SGF29: variants seen among roughly 807,000 people sequenced by gnomAD.
SGF29 encodes SAGA complex associated factor 29, also known as SAGA-associated factor 29.
A neutral mutation model predicts 38.1 loss-of-function variants in SGF29; 15 were observed. The observed-to-expected ratio is 0.39, with a 90% CI of 0.26 to 0.61. SGF29 has a LOEUF of 0.61. SGF29 is among the 20% of genes least tolerant of loss of function. SGF29 has a pLI of 0.49. For missense variants in SGF29, 184 were observed against 394.6 expected, an observed-to-expected ratio of 0.47 and a Z score of 4.52; for synonymous variants, 151 against 160.8, an observed-to-expected ratio of 0.94 and a Z score of 0.46.
At chr16:28,584,805 AAAG>A (rs2046946673) in intron 2 of SGF29, 105 bp from the exon 3 acceptor site, 11 of 688,436 alleles carry the variant, frequency 1.6e-5, no homozygotes, top group East Asian at 5.6e-5. Flanking sequence ...AAAAAAAAAA[AAAG>A]AAAATGAGGG....
At chr16:28,556,221 G>GT (rs2046750180) in intron 1 of SGF29, among the ~76,000 whole-genome samples, 1 of 152,150 alleles carries the variant, frequency 6.6e-6, no homozygotes, top group Admixed American at 6.6e-5. Flanking sequence ...CCAGGCCGGA[G>GT]TATAGTGGTG....
At chr16:28,571,153 T>C (rs1051744069) in intron 1 of SGF29, among the ~76,000 whole-genome samples, 2 of 152,078 alleles carry the variant, frequency 1.3e-5, no homozygotes, top group African/African-American at 4.8e-5. Flanking sequence ...TTAGCGCCCT[T>C]ATGAAAGAGG....
intron 1 of SGF29, among the ~76,000 whole-genome samples, chr16:28,554,359 A>G (rs2046732909): frequency 6.6e-6 from 1 of 152,000 alleles, no homozygotes. Context: ...CGAGGGTGGG[A>G]AACAGCGACA....
chr16:28,581,284 T>C, intron 2 of SGF29, 140 bp downstream of exon 2: 2 of 722,008 alleles, frequency 2.8e-6, no homozygotes, highest in Non-Finnish European at 4.8e-6. Context: ...GGAGGGGAAT[T>C]TGGTGTATGG....
intron 1 of SGF29, among the ~76,000 whole-genome samples, chr16:28,563,715 CTTTTTTTTTT>C (rs11445174): frequency 1.2e-5 from 1 of 80,824 alleles, no homozygotes; most frequent in Non-Finnish European, 2.4e-5. Flanking sequence ...GAGAAACAGA[CTTTTTTTTTT>C]TTTTTTTTTT....
At chr16:28,586,506 CAA>C (rs375050108) in intron 4 of SGF29, among the ~76,000 whole-genome samples, 9 of 92,484 alleles carry the variant, frequency 9.7e-5, no homozygotes, top group South Asian at 7.1e-4. Context: ...GGCTCTGCCT[CAA>C]AAAAAAAAAA....
intron 1 of SGF29, among the ~76,000 whole-genome samples, chr16:28,563,350 G>A (rs555408546): frequency 6.6e-6 from 1 of 152,282 alleles, no homozygotes; most frequent in East Asian, 1.9e-4. Flanking sequence ...TGGCTGATGG[G>A]ATCCAGGGAT....
intron 1 of SGF29, among the ~76,000 whole-genome samples, chr16:28,578,134 G>A (rs4787455): frequency 0.31 from 47,158 of 151,050 alleles, 8,154 homozygotes; most frequent in Non-Finnish European, 0.37. Flanking sequence ...GATTACAGGC[G>A]TGAGCCTCTG....
intron 1 of SGF29, among the ~76,000 whole-genome samples, chr16:28,565,198 A>G (rs2046829046): frequency 6.6e-6 from 1 of 152,096 alleles, no homozygotes; most frequent in Admixed American, 6.6e-5. Flanking sequence ...GTGCCCACCC[A>G]TATGGAGGAT....
chr16:28,569,139 TTTTC>T (rs901608425), intron 1 of SGF29, among the ~76,000 whole-genome samples: 1 of 152,078 alleles, frequency 6.6e-6, no homozygotes, highest in Non-Finnish European at 1.5e-5. Flanking sequence ...TAAAAGCTTC[TTTTC>T]TTTCTTATGT....
At chr16:28,583,382 A>G (rs1286493085) in intron 2 of SGF29, among the ~76,000 whole-genome samples, 9 of 152,188 alleles carry the variant, frequency 5.9e-5, no homozygotes, top group Admixed American at 4.6e-4. Flanking sequence ...TCTAGCAAGT[A>G]TCCCCCCCCA....
chr16:28,588,603 T>G (rs1394920805), intron 4 of SGF29: 1 of 434,632 alleles, frequency 2.3e-6, no homozygotes. Context: ...TCGTTCTTTT[T>G]GCCCAGGTTG....
At chr16:28,556,593 G>A (rs542751251) in intron 1 of SGF29, among the ~76,000 whole-genome samples, 1 of 152,010 alleles carries the variant, frequency 6.6e-6, no homozygotes, top group Non-Finnish European at 1.5e-5. Flanking sequence ...TTGATCTGCC[G>A]GCCTTGGCCT....
intron 1 of SGF29, among the ~76,000 whole-genome samples, chr16:28,573,411 G>T (rs893978166): frequency 2.6e-5 from 4 of 152,152 alleles, no homozygotes; most frequent in Non-Finnish European, 5.9e-5. Context: ...TGACTCTCTT[G>T]ATGAGAGACT....
At position 28,572,137 on chromosome 16, in the gene SGF29, C is replaced by T. The variant is rs974183613; in HGVS notation, c.-15-8918C>T. On this transcript the variant is annotated intron_variant, in intron 1 of 9. Coordinates refer to ENST00000317058, the MANE Select transcript of SGF29 (RefSeq NM_138414.3). ...GACCACAGGCACCCACCACCACGCCCGGCTAATTTTTAGTATTTTTAGTGG... is the reference window on the plus strand; with the variant it reads ...GACCACAGGCACCCACCACCACGCCTGGCTAATTTTTAGTATTTTTAGTGG... Among the ~76,000 whole-genome samples the T allele has an allele frequency of 1.8e-4, 27 of 151,394 alleles. No homozygotes were observed. In the South Asian group the frequency reaches 1.9e-3, roughly 11 times the overall value.
intron 2 of SGF29, among the ~76,000 whole-genome samples, chr16:28,583,783 G>A (rs1303511383): frequency 3.3e-5 from 5 of 152,068 alleles, no homozygotes; most frequent in South Asian, 4.1e-4. Flanking sequence ...CGTGATTACC[G>A]TAGCTTCGTA....
intron 1 of SGF29, among the ~76,000 whole-genome samples, chr16:28,563,008 G>A (rs2046799083): frequency 1.3e-5 from 2 of 152,036 alleles, no homozygotes; most frequent in South Asian, 4.2e-4. Context: ...TTAAAAGGGT[G>A]TGTGTGCTCT....
chr16:28,585,568 T>G, intron 3 of SGF29, 80 bp from the exon 4 acceptor site: 2 of 1,270,048 alleles, frequency 1.6e-6, no homozygotes, highest in Non-Finnish European at 1.2e-6. Flanking sequence ...TCCACGAGTG[T>G]GATTCCGGTG....
At chr16:28,586,128 A>G (rs1405123525) in intron 4 of SGF29, among the ~76,000 whole-genome samples, 2 of 152,156 alleles carry the variant, frequency 1.3e-5, no homozygotes, top group Non-Finnish European at 2.9e-5. Context: ...GTCTCTACAA[A>G]AAGTTTTTAA....
Sources: allele counts gnomAD v4.1 joint callset (sites outside exome capture counted in the v4.1 genomes callset), GRCh38; gene constraint gnomAD v4.1.1; transcripts MANE v1.5; gene names NCBI Gene and HGNC (gene_info 2026-07-23, HGNC 2026-07-21).